The following FOXN3 variants were observed in gnomAD, a reference collection of about 807,000 sequenced individuals.
FOXN3 encodes the protein forkhead box protein N3.
Under a neutral mutation model 38.4 loss-of-function variants are expected in FOXN3, and 7 were observed. The ratio of observed to expected loss-of-function variants is 0.18; its 90% CI spans 0.10 to 0.34. FOXN3 has a LOEUF of 0.34. Ranked by LOEUF, FOXN3 falls within the 10% of genes least tolerant of loss-of-function variation. The pLI is 1.00. For missense variants in FOXN3, 456 were observed against 613.4 expected (o/e 0.74, Z 2.71); for synonymous variants, 230 against 242.2 (o/e 0.95, Z 0.47).
At chr14:89,454,402 C>T (rs2139717038) in intron 1 of FOXN3, among the ~76,000 whole-genome samples, 1 of 152,320 alleles carries the variant, frequency 6.6e-6, no homozygotes. Flanking sequence ...ATTGGACCTG[C>T]CAGCTTCCAG....
intron 1 of FOXN3, among the ~76,000 whole-genome samples, chr14:89,462,808 C>A (rs1892874011): frequency 6.6e-6 from 1 of 151,972 alleles, no homozygotes; most frequent in East Asian, 2.0e-4. Flanking sequence ...CTTCAGCCTC[C>A]TGAGTAGCTG....
At position 89,159,304 on chromosome 14, in the gene FOXN3, T is replaced by C. The variant is rs982908621; in HGVS notation, c.*3110A>G. The stretch of plus-strand genomic sequence containing the variant: ...ATTGAGCCATTGTTTTGGTTATGCA[T>C]AATGTGTATGCCTCCAAAAACAGAA... On this transcript the variant is annotated 3_prime_UTR_variant, in exon 6 of 6. Transcript: ENST00000557258. The C allele has an allele frequency of 6.6e-6, 1 of 152,614 alleles. No homozygotes were observed. The highest frequency in any genetic ancestry group is 2.4e-5 in the African/African-American group (1 of 41,446). The allele number at this position is 152,614 out of a possible 1,614,324, so 9.5% of individuals were successfully genotyped here. A position where few individuals can be genotyped will look rare whatever the true frequency, so the allele number is the denominator to read the frequency against.
At chr14:89,306,567 C>T (rs1887383838) in intron 3 of FOXN3, among the ~76,000 whole-genome samples, 1 of 152,030 alleles carries the variant, frequency 6.6e-6, no homozygotes, top group African/African-American at 2.4e-5. Flanking sequence ...CGGGGTTTCA[C>T]TGTGTTAGCC....
rs572433801 is a variant in FOXN3 at position 89,528,898 on chromosome 14, G to A, written c.-15+90130C>T. ...GAAAGGAGAGATGACAAATGGGAAG[G>A]AAGCAGCTTTTGCGGATGATAAGTA... On this transcript the variant is annotated intron_variant, in intron 1 of 6. Transcript: ENST00000345097. Among the ~76,000 whole-genome samples, 34 of 152,294 alleles carry A rather than the reference G, an allele frequency of 2.2e-4. 1 individual carries two copies. The highest frequency in any genetic ancestry group is 6.8e-3 in the Middle Eastern group (2 of 294).
intron 1 of FOXN3, among the ~76,000 whole-genome samples, chr14:89,537,919 G>A (rs1010224973): frequency 2.0e-5 from 3 of 152,146 alleles, no homozygotes; most frequent in Non-Finnish European, 4.4e-5. Context: ...TACCTCAATG[G>A]AAAACTGTCA....
intron 2 of FOXN3, among the ~76,000 whole-genome samples, chr14:89,410,560 G>C (rs118091561): frequency 6.6e-6 from 1 of 152,066 alleles, no homozygotes; most frequent in Non-Finnish European, 1.5e-5. Flanking sequence ...CAATTTCTAC[G>C]AAACCTATTA....
intron 1 of FOXN3, among the ~76,000 whole-genome samples, chr14:89,536,797 TA>T (rs1486119556): frequency 2.0e-5 from 3 of 151,348 alleles, no homozygotes; most frequent in African/African-American, 7.3e-5. Flanking sequence ...AAAAAAAATT[TA>T]AAAAGATTTT....
At chr14:89,393,643 G>A (rs763501861) in intron 2 of FOXN3, among the ~76,000 whole-genome samples, 17 of 152,188 alleles carry the variant, frequency 1.1e-4, no homozygotes, top group African/African-American at 3.1e-4. Flanking sequence ...AACTGTGCAC[G>A]CCACACACTT....
chr14:89,502,112 G>A (rs1035784551), intron 1 of FOXN3, among the ~76,000 whole-genome samples: 3 of 152,174 alleles, frequency 2.0e-5, no homozygotes, highest in African/African-American at 7.2e-5. Context: ...AGGTTGCAGT[G>A]AGCCTAGATC....
At chr14:89,403,818 C>G (rs61984695) in intron 2 of FOXN3, among the ~76,000 whole-genome samples, 6,828 of 152,260 alleles carry the variant, frequency 0.045, 281 homozygotes, top group African/African-American at 0.1. Context: ...AGACCCCTAT[C>G]CAGGTTAGTG....
chr14:89,266,856 A>G (rs931902026), intron 4 of FOXN3, among the ~76,000 whole-genome samples: 49 of 152,152 alleles, frequency 3.2e-4, no homozygotes, highest in Non-Finnish European at 2.9e-5. Flanking sequence ...CCAGGCCCTA[A>G]AACAAAAGAG....
intron 4 of FOXN3, among the ~76,000 whole-genome samples, chr14:89,235,633 G>A (rs560685163): frequency 2.6e-5 from 4 of 152,182 alleles, no homozygotes; most frequent in Admixed American, 1.3e-4. Flanking sequence ...GTTGCAGCTC[G>A]AATTAAGATA....
At chr14:89,230,886 T>A in intron 4 of FOXN3, 1 of 455,984 alleles carries the variant, frequency 2.2e-6, no homozygotes, top group Non-Finnish European at 4.4e-6. Flanking sequence ...AAAATAGCTT[T>A]CATTTATAAA....
At chr14:89,218,739 T>C (rs1170056953) in intron 4 of FOXN3, among the ~76,000 whole-genome samples, 1 of 152,134 alleles carries the variant, frequency 6.6e-6, no homozygotes, top group African/African-American at 2.4e-5. Context: ...GCTGTGGACA[T>C]GTGGGGCTGC....
intron 2 of FOXN3, among the ~76,000 whole-genome samples, chr14:89,383,538 G>A (rs1352324158): frequency 1.3e-5 from 2 of 152,196 alleles, no homozygotes; most frequent in Admixed American, 6.5e-5. Flanking sequence ...TCAAGGAGCC[G>A]ACAGGACCTG....
At chr14:89,452,152 G>A (rs1289838626) in intron 1 of FOXN3, among the ~76,000 whole-genome samples, 2 of 152,148 alleles carry the variant, frequency 1.3e-5, no homozygotes, top group Non-Finnish European at 2.9e-5. Context: ...GGGAAAGCAG[G>A]GACCCTGTGC....
intron 1 of FOXN3, among the ~76,000 whole-genome samples, chr14:89,602,890 G>A (rs1009951794): frequency 6.6e-6 from 1 of 152,096 alleles, no homozygotes; most frequent in Non-Finnish European, 1.5e-5. Context: ...AATGATTTGG[G>A]GTAATTAAAT....
chr14:89,240,582 C>T (rs892632900), intron 4 of FOXN3, among the ~76,000 whole-genome samples: 2 of 152,164 alleles, frequency 1.3e-5, no homozygotes, highest in Non-Finnish European at 2.9e-5. Flanking sequence ...AAAAAAAAGT[C>T]AGGATAATGC....
chr14:89,413,307 C>T (rs1355368170), intron 1 of FOXN3, among the ~76,000 whole-genome samples: 3 of 152,240 alleles, frequency 2.0e-5, no homozygotes, highest in Admixed American at 6.5e-5. Flanking sequence ...CCCCCACAAA[C>T]GAACAGTAAG....
Sources: gnomAD v4.1 joint callset for allele counts (sites outside exome capture counted in the v4.1 genomes callset) on GRCh38, gnomAD v4.1.1 for gene constraint, MANE v1.5 for transcripts, NCBI Gene and HGNC (gene_info 2026-07-23, HGNC 2026-07-21) for gene names.